The following CACNG5 variants were observed in gnomAD, a reference collection of about 807,000 sequenced individuals.
CACNG5 encodes voltage-dependent calcium channel gamma-5 subunit.
Under a neutral mutation model 24.8 loss-of-function variants are expected in CACNG5, and 18 were observed. The ratio of observed to expected loss-of-function variants is 0.73; its 90% CI spans 0.50 to 1.08. CACNG5 has a LOEUF of 1.08. Ranked by LOEUF, CACNG5 falls within the 50% of genes least tolerant of loss-of-function variation. The pLI, the probability that CACNG5 is intolerant of heterozygous loss-of-function variation, is 0.00. For missense variants in CACNG5, 349 were observed against 367.9 expected (o/e 0.95, Z 0.42); for synonymous variants, 157 against 149.1 (o/e 1.05, Z -0.39).
chr17:66,841,761 G>A (rs1003439184), intron 1 of CACNG5, among the ~76,000 whole-genome samples: 1 of 152,220 alleles, frequency 6.6e-6, no homozygotes, highest in Non-Finnish European at 1.5e-5. Flanking sequence ...ATCTGTAAAA[G>A]GACGGGGTGG....
At chr17:66,847,509 G>C (rs1197191607) in intron 1 of CACNG5, among the ~76,000 whole-genome samples, 1 of 152,058 alleles carries the variant, frequency 6.6e-6, no homozygotes, top group Non-Finnish European at 1.5e-5. Context: ...CAGATCTCGT[G>C]AGACTTACTA....
intron 1 of CACNG5, among the ~76,000 whole-genome samples, chr17:66,846,882 C>T (rs950847240): frequency 5.3e-5 from 8 of 152,344 alleles, no homozygotes; most frequent in African/African-American, 1.9e-4. Context: ...TACGCTCCCA[C>T]CTGCAAAGTA....
At position 66,855,685 on chromosome 17, in the gene CACNG5, C is replaced by T. The variant is rs371934893; in HGVS notation, c.-104+20435C>T. On this transcript the variant is annotated intron_variant, in intron 1 of 5. Transcript: ENST00000533854. ...CTAATTTTTGCACTTTTAGTAGAGA[C>T]GGGGTTTCACCATGTTGGTCAGGCT... Among the ~76,000 whole-genome samples the T allele has an allele frequency of 3.5e-4, 54 of 152,208 alleles. No individual in the cohort carries two copies. In the East Asian group the frequency reaches 8.1e-3, roughly 23 times the overall value.
At chr17:66,858,658 C>T (rs1051626779) in intron 1 of CACNG5, among the ~76,000 whole-genome samples, 2 of 152,028 alleles carry the variant, frequency 1.3e-5, no homozygotes, top group Admixed American at 1.3e-4. Context: ...GGCTGAGGAA[C>T]AGGGCAAGCT....
chr17:66,852,036 A>G (rs1976714184), intron 1 of CACNG5, among the ~76,000 whole-genome samples: 1 of 152,224 alleles, frequency 6.6e-6, no homozygotes, highest in Non-Finnish European at 1.5e-5. Flanking sequence ...CTCAGTGTGG[A>G]TGGGCACCAT....
rs202202067 is a variant in CACNG5, at chr17:66,886,627, G to A, written c.*1387G>A. 1.2e-4 allele frequency among the ~76,000 whole-genome samples: 18 copies of A among 152,248 alleles called. No homozygotes were observed. In the East Asian group the frequency reaches 3.5e-3, roughly 29 times the overall value. ...GCTCTCTCCTTGCCCTCTTTAAGAC[G>A]CCGCTAGGTTCTGAGAACAGAAAGC... On this transcript the variant is annotated 3_prime_UTR_variant, in exon 6 of 6. Coordinates refer to ENST00000533854, the MANE Select transcript of CACNG5 (RefSeq NM_145811.3).
rs1367739652 is a variant in CACNG5, at chr17:66,886,488, G to A, written c.*1248G>A. On this transcript the variant is annotated 3_prime_UTR_variant, in exon 6 of 6. Coordinates refer to ENST00000533854, the MANE Select transcript of CACNG5 (RefSeq NM_145811.3). ...TTCAATTACCCTCCGTAAGTCCACA[G>A]AAGCCACTGCAAGCCATGCCCCCCT... Among the ~76,000 whole-genome samples, 2 of 152,194 alleles carry A rather than the reference G, an allele frequency of 1.3e-5. No individual in the cohort carries two copies. The highest frequency in any genetic ancestry group is 3.8e-4 in the East Asian group (2 of 5,200).
chr17:66,867,890 G>T (rs1264134899), intron 1 of CACNG5, among the ~76,000 whole-genome samples: 3 of 152,208 alleles, frequency 2.0e-5, no homozygotes, highest in African/African-American at 7.2e-5. Flanking sequence ...AGTATAGTTT[G>T]AAGTCATGTA....
intron 1 of CACNG5, among the ~76,000 whole-genome samples, chr17:66,839,674 G>A (rs1196122375): frequency 4.0e-5 from 6 of 149,976 alleles, no homozygotes; most frequent in African/African-American, 1.2e-4. Context: ...CATGGAGGGG[G>A]GTCAGTGAGT....
At chr17:66,849,435 G>T (rs1976682552) in intron 1 of CACNG5, among the ~76,000 whole-genome samples, 1 of 152,176 alleles carries the variant, frequency 6.6e-6, no homozygotes. Context: ...CCCCGGGAGG[G>T]CAGATCCAGC....
rs1977383310 is a variant in CACNG5, at chr17:66,894,251, C to T, written c.*9011C>T. Among the ~76,000 whole-genome samples, 2 of 152,112 alleles carry T rather than the reference C, an allele frequency of 1.3e-5. No homozygotes were observed. Among genetic ancestry groups the T allele is most frequent in the Admixed American group, 1.3e-4 (2 of 15,260 alleles). On this transcript the variant is annotated 3_prime_UTR_variant, in exon 6 of 6. Transcript: ENST00000533854. ...TCCAAGGACTCCTTTCAATCTGTCA[C>T]CCCCTTGGGAGGATCCTGCACATCC...
intron 1 of CACNG5, among the ~76,000 whole-genome samples, chr17:66,845,686 G>A (rs1416137804): frequency 1.4e-4 from 21 of 152,094 alleles, no homozygotes; most frequent in Admixed American, 1.4e-3. Flanking sequence ...GATCACCAAA[G>A]GGATATTACT....
At chr17:66,881,901 G>GA (rs1435785349) in intron 4 of CACNG5, among the ~76,000 whole-genome samples, 1 of 152,168 alleles carries the variant, frequency 6.6e-6, no homozygotes, top group East Asian at 1.9e-4. Context: ...CAGGTGCAAG[G>GA]AAAAATGTAG....
In CACNG5 at chr17:66,880,559, A is replaced by G. The variant is rs760710871; in HGVS notation, c.286A>G (p.Met96Val). The G allele has an allele frequency of 1.9e-6, 3 of 1,614,110 alleles. No individual in the cohort carries two copies. The African/African-American group carries it at 4.0e-5, about 22-fold the overall frequency. Residue 96 changes from methionine to valine, a missense_variant and splice_region_variant, in exon 4 of 6, where the codon ATG (methionine) becomes GTG (valine). Transcript: ENST00000533854. ...TSESTVNVLKMIRSATPFPLV... is the reference protein window; with the variant it reads ...TSESTVNVLKVIRSATPFPLV... ...CGCCCTTTTGTCCCGTTAATTAGAGATGATCCGCTCAGCCACACCATTCCC... is the reference window on the plus strand; with the variant it reads ...CGCCCTTTTGTCCCGTTAATTAGAGGTGATCCGCTCAGCCACACCATTCCC...
chr17:66,851,933 G>A (rs532552209), intron 1 of CACNG5, among the ~76,000 whole-genome samples: 1 of 152,326 alleles, frequency 6.6e-6, no homozygotes, highest in African/African-American at 2.4e-5. Context: ...AGGGATACTT[G>A]GATAGCTGAT....
At chr17:66,866,265 G>A (rs1976928525) in intron 1 of CACNG5, among the ~76,000 whole-genome samples, 1 of 152,066 alleles carries the variant, frequency 6.6e-6, no homozygotes, top group Non-Finnish European at 1.5e-5. Context: ...GATGGTATGT[G>A]CAGTATGGTC....
At chr17:66,860,390 G>A (rs550059493) in intron 1 of CACNG5, among the ~76,000 whole-genome samples, 2 of 152,282 alleles carry the variant, frequency 1.3e-5, no homozygotes, top group Admixed American at 6.5e-5. Context: ...AAAGCTCGGA[G>A]AGAAATGTGG....
At chr17:66,846,316 ATGT>A (rs1211520259) in intron 1 of CACNG5, among the ~76,000 whole-genome samples, 3 of 152,190 alleles carry the variant, frequency 2.0e-5, no homozygotes, top group African/African-American at 7.2e-5. Context: ...ATACATTCAA[ATGT>A]TGTGCAACTC....
chr17:66,844,602 T>C (rs1045663117), intron 1 of CACNG5, among the ~76,000 whole-genome samples: 1 of 152,192 alleles, frequency 6.6e-6, no homozygotes, highest in African/African-American at 2.4e-5. Flanking sequence ...AGTTTGTGGC[T>C]GGGAAGAGCA....
Sources: gnomAD v4.1 joint callset for allele counts (sites outside exome capture counted in the v4.1 genomes callset) on GRCh38, gnomAD v4.1.1 for gene constraint, MANE v1.5 for transcripts, NCBI Gene and HGNC (gene_info 2026-07-23, HGNC 2026-07-21) for gene names.